The following INPP5A variants were observed in gnomAD, a reference collection of about 807,000 sequenced individuals.
INPP5A encodes inositol polyphosphate-5-phosphatase A.
A neutral mutation model predicts 65.2 loss-of-function variants in INPP5A; 14 were observed. That is an observed-to-expected ratio of 0.21 (90% CI 0.14 to 0.34). The LOEUF (loss-of-function observed/expected upper bound fraction) is 0.34. Among genes scored for constraint, INPP5A ranks in the 10% least tolerant of loss-of-function variants. The pLI is 1.00. For synonymous variants in INPP5A, 207 were observed against 208.3 expected (o/e 0.99, Z 0.05); for missense variants, 431 against 545.6 (o/e 0.79, Z 2.09).
In INPP5A at chr10:132,707,784, G is replaced by T. The variant is rs1205200454; in HGVS notation, c.475-529G>T. Among the ~76,000 whole-genome samples, 1 of 151,856 alleles carries T rather than the reference G, an allele frequency of 6.6e-6. No individual in the cohort carries two copies. Among genetic ancestry groups the T allele is most frequent in the Non-Finnish European group, 1.5e-5 (1 of 67,890 alleles). On this transcript the variant is annotated intron_variant, in intron 6 of 15. Coordinates refer to ENST00000368594, the MANE Select transcript of INPP5A (RefSeq NM_005539.5). This position sits in a 1 kb window ranked among gnomAD's most constrained non-coding sequence, Gnocchi z 5.5. ...GCTAGGTGGTGGGGATCAGTGAGAG[G>T]CATCGGTGGGTGAGAGGCATCGGTG...
intron 4 of INPP5A, among the ~76,000 whole-genome samples, chr10:132,655,293 C>T (rs935747742): frequency 6.6e-6 from 1 of 152,348 alleles, no homozygotes; most frequent in African/African-American, 2.4e-5. Flanking sequence ...GCACTGGAGA[C>T]AGGGCTCAGA....
chr10:132,650,622 ACGCTGCCCTGCCTGGCACTCC>A lies in INPP5A; in HGVS notation c.306+121_306+141del, dbSNP rs2072562728. ...GTGCTCCCTGCCTGAAGCCTCACTC[ACGCTGCCCTGCCTGGCACTCC>A]CGCAGCCTGCTTGGTGGTCTGCTCG... On this transcript the variant is annotated intron_variant, in intron 4 of 15. Coordinates refer to ENST00000368594, the MANE Select transcript of INPP5A (RefSeq NM_005539.5). The surrounding 1 kb of genome is among the most constrained non-coding windows in gnomAD (Gnocchi z 5.5). 5.5e-6 allele frequency: 4 copies of A among 732,308 alleles called. No homozygotes were observed. Among genetic ancestry groups the A allele is most frequent in the Non-Finnish European group, 9.6e-6 (4 of 418,410 alleles). 45.4% of individuals were successfully genotyped at this position (732,308 alleles called of 1,614,324 possible).
At position 132,607,774 on chromosome 10, in the gene INPP5A, G is replaced by A. The variant is rs576735690; in HGVS notation, c.76-141G>A. The A allele has an allele frequency of 2.3e-5, 18 of 794,930 alleles. No homozygotes were observed. The highest frequency in any genetic ancestry group is 9.7e-5 in the East Asian group (4 of 41,212). The allele number at this position is 794,930 out of a possible 1,614,324, so 49.2% of individuals were successfully genotyped here. On this transcript the variant is annotated intron_variant, in intron 1 of 15. Transcript: ENST00000368594. ...GCGTGGGCCTGGGGTTTCCCCGTGC[G>A]GGTGGAGCTCCTCCATGCGGGGTGG...
chr10:132,592,513 T>G (rs2071631381), intron 1 of INPP5A, among the ~76,000 whole-genome samples: 1 of 152,140 alleles, frequency 6.6e-6, no homozygotes, highest in South Asian at 2.1e-4. Flanking sequence ...CCTCCCGGGT[T>G]CAAGTGATTC....
chr10:132,697,274 C>T lies in INPP5A; in HGVS notation c.371-542C>T, dbSNP rs1414974402. Among the ~76,000 whole-genome samples, 3 of 152,218 alleles carry T rather than the reference C, an allele frequency of 2.0e-5. No homozygotes were observed. Among genetic ancestry groups the T allele is most frequent in the African/African-American group, 4.8e-5 (2 of 41,470 alleles). Reference sequence around the variant, plus strand: ...ATAGTGAGACGGGCCCTGCCCATGGCGAGGCCTGTGTCCCTGGGCCTGGCC... The same window carrying T: ...ATAGTGAGACGGGCCCTGCCCATGGTGAGGCCTGTGTCCCTGGGCCTGGCC... On this transcript the variant is annotated intron_variant, in intron 5 of 15. Coordinates refer to ENST00000368594, the MANE Select transcript of INPP5A (RefSeq NM_005539.5). This position sits in a 1 kb window ranked among gnomAD's most constrained non-coding sequence, Gnocchi z 5.6.
chr10:132,639,449 G>C (rs2072399545), intron 2 of INPP5A, among the ~76,000 whole-genome samples: 1 of 151,960 alleles, frequency 6.6e-6, no homozygotes, highest in Admixed American at 6.6e-5. Flanking sequence ...TGTCCAGTTG[G>C]TTTCAGAAGT....
At chr10:132,612,585 T>A (rs1324633525) in intron 2 of INPP5A, among the ~76,000 whole-genome samples, 1 of 152,102 alleles carries the variant, frequency 6.6e-6, no homozygotes, top group Non-Finnish European at 1.5e-5. Flanking sequence ...CCAAGCTGGC[T>A]GATGGTGGTT....
chr10:132,756,597 G>GGA (rs1456807718), intron 11 of INPP5A, among the ~76,000 whole-genome samples: 1 of 152,216 alleles, frequency 6.6e-6, no homozygotes, highest in Non-Finnish European at 1.5e-5. Flanking sequence ...GCCTGCTGTG[G>GGA]GAGAGTCTGG....
chr10:132,713,044 G>T (rs938393772), intron 8 of INPP5A, among the ~76,000 whole-genome samples: 1 of 151,710 alleles, frequency 6.6e-6, no homozygotes, highest in Admixed American at 6.6e-5. Context: ...GCGTGTGTGT[G>T]GGTGTGTGTG....
At chr10:132,775,386 A>C (rs1326727700) in intron 12 of INPP5A, among the ~76,000 whole-genome samples, 4 of 151,846 alleles carry the variant, frequency 2.6e-5, no homozygotes, top group Non-Finnish European at 4.4e-5. Flanking sequence ...TGGCACTCCC[A>C]CGTCAGTCAC....
intron 7 of INPP5A, among the ~76,000 whole-genome samples, chr10:132,709,855 T>C (rs568020990): frequency 6.6e-5 from 10 of 152,226 alleles, no homozygotes; most frequent in Non-Finnish European, 1.0e-4. Flanking sequence ...GCCGAGTCCA[T>C]GTGCCTGCAG....
At chr10:132,780,277 G>C (rs559659099) in intron 13 of INPP5A, among the ~76,000 whole-genome samples, 1 of 152,388 alleles carries the variant, frequency 6.6e-6, no homozygotes, top group Non-Finnish European at 1.5e-5. Context: ...ACAGGCACCT[G>C]CTGGGAAGTG....
chr10:132,766,944 G>A (rs1163056356), intron 12 of INPP5A, among the ~76,000 whole-genome samples: 2 of 148,800 alleles, frequency 1.3e-5, no homozygotes, highest in African/African-American at 5.0e-5. Flanking sequence ...GCGGCCTCAG[G>A]GAGCTTGGGT....
intron 1 of INPP5A, among the ~76,000 whole-genome samples, chr10:132,566,944 C>G (rs1036331465): frequency 6.6e-6 from 1 of 152,158 alleles, no homozygotes; most frequent in Non-Finnish European, 1.5e-5. Context: ...TATTGAAAAC[C>G]TGTAATAGTG....
At chr10:132,588,623 G>A (rs2071577059) in intron 1 of INPP5A, among the ~76,000 whole-genome samples, 1 of 152,256 alleles carries the variant, frequency 6.6e-6, no homozygotes, top group Admixed American at 6.5e-5. Context: ...CCCACCCTGT[G>A]TCCCCAGGAG....
intron 1 of INPP5A, among the ~76,000 whole-genome samples, chr10:132,540,866 T>G (rs1205977580): frequency 6.6e-6 from 1 of 152,216 alleles, no homozygotes; most frequent in African/African-American, 2.4e-5. Flanking sequence ...GAGGAAGGTG[T>G]TTGAATCTGA....
chr10:132,569,221 T>C (rs2071308521), intron 1 of INPP5A, among the ~76,000 whole-genome samples: 1 of 152,236 alleles, frequency 6.6e-6, no homozygotes, highest in Non-Finnish European at 1.5e-5. Context: ...ACTTTCTACA[T>C]GTTTTTCTTT....
In INPP5A at chr10:132,653,518, C is replaced by T. The variant is rs112232766; in HGVS notation, c.306+3013C>T. ...TTCTTTCCAGGGTTCCTCCCTGGCC[C>T]TGGGTGGTTCCAGCAAAACAGTCGC... On this transcript the variant is annotated intron_variant, in intron 4 of 15. Coordinates refer to ENST00000368594, the MANE Select transcript of INPP5A (RefSeq NM_005539.5). Among the ~76,000 whole-genome samples the T allele has an allele frequency of 1.7e-4, 26 of 152,302 alleles. No individual in the cohort carries two copies. In the South Asian group the frequency reaches 4.8e-3, roughly 28 times the overall value.
chr10:132,618,083 A>G (rs899050902), intron 2 of INPP5A, among the ~76,000 whole-genome samples: 3 of 152,356 alleles, frequency 2.0e-5, no homozygotes, highest in Admixed American at 6.5e-5. Context: ...TAAATTTTAA[A>G]ACAGGATATA....
Sources: allele counts gnomAD v4.1 joint callset (sites outside exome capture counted in the v4.1 genomes callset), GRCh38; gene constraint gnomAD v4.1.1; non-coding constraint Gnocchi (gnomAD v3.1); transcripts MANE v1.5; gene names NCBI Gene and HGNC (gene_info 2026-07-23, HGNC 2026-07-21).